NLGN1: variants seen among roughly 807,000 people sequenced by gnomAD.
The protein encoded by NLGN1 is neuroligin-1.
In NLGN1, 12 loss-of-function variants were observed where a neutral mutation model predicts 65.5. That is an observed-to-expected ratio of 0.18 (90% CI 0.12 to 0.30). NLGN1 has a LOEUF of 0.30. Ranked by LOEUF, NLGN1 falls within the 10% of genes least tolerant of loss-of-function variation. NLGN1 has a pLI of 1.00. For synonymous variants in NLGN1, 350 were observed against 359.5 expected, an observed-to-expected ratio of 0.97 and a Z score of 0.30; for missense variants, 750 against 1,007.1, an observed-to-expected ratio of 0.74 and a Z score of 3.46.
chr3:173,757,484 A>T (rs531752782), intron 3 of NLGN1, among the ~76,000 whole-genome samples: 1 of 152,036 alleles, frequency 6.6e-6, no homozygotes, highest in Non-Finnish European at 1.5e-5. Context: ...TAATTAAACT[A>T]TGTAAAAAAA....
At chr3:173,934,147 A>G (rs1744635550) in intron 4 of NLGN1, among the ~76,000 whole-genome samples, 1 of 150,870 alleles carries the variant, frequency 6.6e-6, no homozygotes, top group East Asian at 1.9e-4. Flanking sequence ...ACATCTAACA[A>G]TTTTCCAGAA....
intron 3 of NLGN1, among the ~76,000 whole-genome samples, chr3:173,678,370 A>G (rs1385854721): frequency 6.6e-6 from 1 of 152,076 alleles, no homozygotes; most frequent in African/African-American, 2.4e-5. Context: ...CAGTAGAGGG[A>G]AGAGAAAAGG....
rs1275096341 is a variant in NLGN1, at chr3:173,970,634, A to AACAC, written c.646+162804_646+162807dup. 2.0e-5 allele frequency among the ~76,000 whole-genome samples: 3 copies of AACAC among 152,136 alleles called. No homozygotes were observed. The East Asian group carries it at 5.8e-4, about 29-fold the overall frequency. ...GGGTAGATTCCAGAGCTATTAGAAGAACACAGTATAGCATAGTGGCTAAAA... is the reference window on the plus strand; with the variant it reads ...GGGTAGATTCCAGAGCTATTAGAAGAACACACACAGTATAGCATAGTGGCTAAAA... On this transcript the variant is annotated intron_variant, in intron 4 of 6. Transcript: ENST00000457714.
chr3:173,851,585 A>T (rs775942249), intron 4 of NLGN1, among the ~76,000 whole-genome samples: 7 of 152,328 alleles, frequency 4.6e-5, no homozygotes, highest in Non-Finnish European at 7.4e-5. Flanking sequence ...ACTATTAATA[A>T]TGTTATCCCC....
At chr3:173,939,154 G>T (rs757623594) in intron 4 of NLGN1, among the ~76,000 whole-genome samples, 4 of 152,060 alleles carry the variant, frequency 2.6e-5, no homozygotes, top group African/African-American at 9.7e-5. Context: ...CGTAGTTTTC[G>T]CATGCTTCCA....
intron 4 of NLGN1, among the ~76,000 whole-genome samples, chr3:174,239,672 G>A (rs1231111631): frequency 6.6e-6 from 1 of 152,086 alleles, no homozygotes; most frequent in Non-Finnish European, 1.5e-5. Flanking sequence ...GCAGAAAGAA[G>A]GGTAGTCGAT....
chr3:173,728,719 A>G (rs1772267167), intron 3 of NLGN1, among the ~76,000 whole-genome samples: 1 of 152,106 alleles, frequency 6.6e-6, no homozygotes, highest in Non-Finnish European at 1.5e-5. Context: ...AAACAGAAGC[A>G]GACATTTAAA....
At chr3:174,211,632 A>C (rs1231732340) in intron 4 of NLGN1, among the ~76,000 whole-genome samples, 1 of 151,554 alleles carries the variant, frequency 6.6e-6, no homozygotes, top group African/African-American at 2.4e-5. Context: ...TGGTGCACTC[A>C]CAAACCTTGA....
chr3:173,861,579 TACAC>T (rs1180212067), intron 4 of NLGN1, among the ~76,000 whole-genome samples: 1 of 149,678 alleles, frequency 6.7e-6, no homozygotes, highest in East Asian at 2.0e-4. Context: ...CACATATATA[TACAC>T]ACACATATAT....
At chr3:173,993,654 T>TAGATA (rs1553909718) in intron 4 of NLGN1, among the ~76,000 whole-genome samples, 11 of 147,282 alleles carry the variant, frequency 7.5e-5, no homozygotes, top group Admixed American at 2.1e-4. Flanking sequence ...GCTAGATAGA[T>TAGATA]GATAGATAGA....
chr3:173,807,630 T>C, intron 3 of NLGN1, 50 bp from the exon 4 acceptor site: 2 of 1,585,698 alleles, frequency 1.3e-6, no homozygotes, highest in East Asian at 2.2e-5. Flanking sequence ...TCTGCTTCAT[T>C]GTGTGTTATT....
In NLGN1 at chr3:174,140,666, C is replaced by T. The variant is rs374078733; in HGVS notation, c.647-134649C>T. On this transcript the variant is annotated intron_variant, in intron 4 of 6. Coordinates refer to ENST00000457714, the Ensembl canonical transcript of NLGN1. ...CCACGTTACTATATGTCATCTTCCA[C>T]CTTCTGGAACATTAAAATTCTTGAA... is the stretch of plus-strand genomic sequence containing the variant. Among the ~76,000 whole-genome samples, 5 of 152,234 alleles carry T rather than the reference C, an allele frequency of 3.3e-5. No individual in the cohort carries two copies. In the East Asian group the frequency reaches 7.7e-4, roughly 23 times the overall value.
At chr3:173,459,858 G>A (rs936191996) in intron 2 of NLGN1, among the ~76,000 whole-genome samples, 3 of 151,920 alleles carry the variant, frequency 2.0e-5, no homozygotes, top group Admixed American at 1.3e-4. Context: ...TTTTAAAGAA[G>A]AAATTATAAT....
At chr3:173,899,099 A>G (rs572579227) in intron 4 of NLGN1, among the ~76,000 whole-genome samples, 1 of 152,284 alleles carries the variant, frequency 6.6e-6, no homozygotes, top group East Asian at 1.9e-4. Context: ...AATACAAGCA[A>G]GAAGCCAGTT....
chr3:173,545,088 G>GTTTTA (rs1176756199), intron 2 of NLGN1, among the ~76,000 whole-genome samples: 22 of 151,544 alleles, frequency 1.5e-4, no homozygotes, highest in African/African-American at 5.3e-4. Context: ...GTTTTGTTTT[G>GTTTTA]TTTGAGATGG....
intron 4 of NLGN1, among the ~76,000 whole-genome samples, chr3:173,933,844 C>T (rs1371925462): frequency 1.3e-5 from 2 of 152,016 alleles, no homozygotes; most frequent in African/African-American, 4.8e-5. Flanking sequence ...ACATGTATCT[C>T]TCAACCTCAA....
chr3:173,723,773 G>T (rs1771273351), intron 3 of NLGN1, among the ~76,000 whole-genome samples: 3 of 152,162 alleles, frequency 2.0e-5, no homozygotes, highest in Non-Finnish European at 2.9e-5. Flanking sequence ...TACTTTTACT[G>T]CCATGAAAAG....
At chr3:174,084,157 T>G (rs568864222) in intron 4 of NLGN1, among the ~76,000 whole-genome samples, 51 of 152,302 alleles carry the variant, frequency 3.3e-4, no homozygotes, top group African/African-American at 1.2e-3. Flanking sequence ...TGGAAAGAAA[T>G]AATTGCATTA....
chr3:174,050,282 G>A (rs1320358435), intron 4 of NLGN1, among the ~76,000 whole-genome samples: 1 of 152,054 alleles, frequency 6.6e-6, no homozygotes, highest in Non-Finnish European at 1.5e-5. Flanking sequence ...TTGACATTAA[G>A]GTGTCAATTT....
Sources: allele counts gnomAD v4.1 joint callset (sites outside exome capture counted in the v4.1 genomes callset), GRCh38; gene constraint gnomAD v4.1.1; transcripts MANE v1.5; gene names NCBI Gene and HGNC (gene_info 2026-07-23, HGNC 2026-07-21).